Variants in PCDHA3 observed in about 807,000 individuals in gnomAD.
The protein encoded by PCDHA3 is protocadherin alpha 3.
Under a neutral mutation model 62.2 loss-of-function variants are expected in PCDHA3, and 41 were observed. The observed-to-expected ratio is 0.66, with a 90% CI of 0.51 to 0.86. PCDHA3 has a LOEUF of 0.86. Among genes scored for constraint, PCDHA3 ranks in the 40% least tolerant of loss-of-function variants. The pLI is 0.00. For missense variants in PCDHA3, 1,304 were observed against 1,241.2 expected (o/e 1.05, Z -0.76); for synonymous variants, 640 against 555.4 (o/e 1.15, Z -2.14).
intron 3 of PCDHA3, among the ~76,000 whole-genome samples, chr5:141,004,046 C>A (rs79317939): frequency 0.03 from 4,581 of 152,294 alleles, 86 homozygotes; most frequent in Non-Finnish European, 0.047. Flanking sequence ...TGATCATTTG[C>A]TGATACTGGC....
Position 140,870,063 on chromosome 5 carries a change from G to A in PCDHA3, c.2394+66472G>A. ...ACAAGTTTTATAAAATTGAAGTACA[G>A]GCTACAGATAAGGGGACTCCCCCAA... On this transcript the variant is annotated intron_variant, in intron 1 of 3. Transcript: ENST00000522353. 1.9e-6 allele frequency: 3 copies of A among 1,613,854 alleles called. No homozygotes were observed. The East Asian group carries it at 6.7e-5, about 36-fold the overall frequency.
chr5:140,954,830 T>TG (rs2095095109), intron 1 of PCDHA3, among the ~76,000 whole-genome samples: 1 of 152,220 alleles, frequency 6.6e-6, no homozygotes, highest in Admixed American at 6.5e-5. Flanking sequence ...GGCACTTTTG[T>TG]CATGAAATCT....
chr5:140,858,128 G>A (rs782090771), intron 1 of PCDHA3: 11 of 1,597,872 alleles, frequency 6.9e-6, no homozygotes, highest in Non-Finnish European at 9.4e-6. Context: ...CCTGGTGGAT[G>A]TCAACGTGTA....
intron 1 of PCDHA3, among the ~76,000 whole-genome samples, chr5:140,957,103 A>G (rs1207553042): frequency 6.6e-6 from 1 of 152,168 alleles, no homozygotes; most frequent in Non-Finnish European, 1.5e-5. Flanking sequence ...ATTGCTATGG[A>G]CATGATTCTG....
chr5:140,849,833 C>A, intron 1 of PCDHA3: 1 of 1,598,398 alleles, frequency 6.3e-7, no homozygotes, highest in South Asian at 1.1e-5. Context: ...TGGAGGTGGC[C>A]GACGTGAACG....
At chr5:140,961,591 T>C (rs1280839822) in intron 1 of PCDHA3, among the ~76,000 whole-genome samples, 1 of 152,190 alleles carries the variant, frequency 6.6e-6, no homozygotes, top group African/African-American at 2.4e-5. Flanking sequence ...ATTTTGGCAA[T>C]GATTCTAGTA....
chr5:140,838,485 T>C (rs1233460301), intron 1 of PCDHA3, among the ~76,000 whole-genome samples: 2 of 151,892 alleles, frequency 1.3e-5, no homozygotes, highest in Non-Finnish European at 2.9e-5. Flanking sequence ...TGTTTTTGAT[T>C]ATTTGCTTTC....
intron 1 of PCDHA3, chr5:140,842,567 G>A: frequency 1.3e-6 from 2 of 1,504,984 alleles, no homozygotes; most frequent in Non-Finnish European, 1.8e-6. Context: ...CCTGGACCGC[G>A]AGAGAGTGTC....
At chr5:140,897,874 T>C (rs541496059) in intron 1 of PCDHA3, among the ~76,000 whole-genome samples, 2,161 of 152,206 alleles carry the variant, frequency 0.014, 44 homozygotes, top group African/African-American at 0.049. Context: ...TTTTAATGAT[T>C]GCCATTCTAA....
intron 1 of PCDHA3, chr5:140,928,231 CA>C: frequency 6.2e-7 from 1 of 1,614,226 alleles, no homozygotes; most frequent in Non-Finnish European, 8.5e-7. Flanking sequence ...AAACTTTCCT[CA>C]ACCCCAGCAG....
At chr5:140,876,039 T>C in intron 1 of PCDHA3, 1 of 1,613,746 alleles carries the variant, frequency 6.2e-7, no homozygotes, top group Non-Finnish European at 8.5e-7. Context: ...AAGATAAAAG[T>C]ATATTGCCTG....
intron 1 of PCDHA3, among the ~76,000 whole-genome samples, chr5:140,973,418 T>G (rs1235123458): frequency 6.6e-6 from 1 of 152,212 alleles, no homozygotes; most frequent in East Asian, 1.9e-4. Flanking sequence ...CCACTCCAGT[T>G]TTTCATCCTC....
At chr5:140,819,969 G>A (rs1766662256) in intron 1 of PCDHA3, among the ~76,000 whole-genome samples, 1 of 151,792 alleles carries the variant, frequency 6.6e-6, no homozygotes, top group South Asian at 2.1e-4. Flanking sequence ...TTTTTTCAAA[G>A]GTTATCTTTG....
chr5:140,977,266 A>G (rs2096753154), intron 1 of PCDHA3, among the ~76,000 whole-genome samples: 3 of 152,240 alleles, frequency 2.0e-5, no homozygotes, highest in Admixed American at 1.3e-4. Context: ...CAGATGTTAC[A>G]GTCTTTCTCA....
chr5:140,959,835 C>T (rs1554224346), intron 1 of PCDHA3, among the ~76,000 whole-genome samples: 2 of 152,042 alleles, frequency 1.3e-5, no homozygotes, highest in East Asian at 1.9e-4. Flanking sequence ...ATGTATTATG[C>T]CTGTAACTGC....
chr5:140,971,182 G>A (rs1158073557), intron 1 of PCDHA3, among the ~76,000 whole-genome samples: 7 of 152,110 alleles, frequency 4.6e-5, no homozygotes, highest in Admixed American at 1.3e-4. Flanking sequence ...GCTGTAAGCC[G>A]GAAGCTCAGA....
At chr5:140,828,326 C>T (rs1554131212) in intron 1 of PCDHA3, 1 of 1,614,206 alleles carries the variant, frequency 6.2e-7, no homozygotes, top group Non-Finnish European at 8.5e-7. Flanking sequence ...GGAGGTAAAT[C>T]TGCAGAATGG....
chr5:140,876,370 G>A, intron 1 of PCDHA3: 1 of 1,613,946 alleles, frequency 6.2e-7, no homozygotes, highest in Non-Finnish European at 8.5e-7. Flanking sequence ...TCCAGACACA[G>A]GTGAAATTAG....
intron 1 of PCDHA3, among the ~76,000 whole-genome samples, chr5:140,947,415 G>C (rs116670354): frequency 0.021 from 3,167 of 151,674 alleles, 64 homozygotes; most frequent in Admixed American, 0.045. Flanking sequence ...TGATATTGTA[G>C]CTTTATAAAT....
Sources: gnomAD v4.1 joint callset for allele counts (sites outside exome capture counted in the v4.1 genomes callset) on GRCh38, gnomAD v4.1.1 for gene constraint, MANE v1.5 for transcripts, NCBI Gene and HGNC (gene_info 2026-07-23, HGNC 2026-07-21) for gene names.